DES: variants seen among roughly 807,000 people sequenced by gnomAD.
DES encodes the protein desmin, also known as cardiomyopathy, dilated 1F (autosomal dominant).
DES carries 34 observed loss-of-function variants against 55.1 expected under a neutral mutation model. The observed-to-expected ratio is 0.62, with a 90% CI of 0.47 to 0.82. DES has a LOEUF of 0.82. Among genes scored for constraint, DES ranks in the 40% least tolerant of loss-of-function variants. The probability of loss-of-function intolerance (pLI) is 0.00; values close to 1 mark genes in which losing one functional copy is unlikely to be tolerated. For synonymous variants in DES, 259 were observed against 270.8 expected (o/e 0.96, Z 0.43); for missense variants, 596 against 645.9 (o/e 0.92, Z 0.84).
rs1179760415 is a variant in DES at position 219,418,612 on chromosome 2, G to A, written c.150G>A (p.Thr50=). The A allele has an allele frequency of 6.2e-7, 1 of 1,603,232 alleles. No individual in the cohort carries two copies. Among genetic ancestry groups the A allele is most frequent in the East Asian group, 2.2e-5 (1 of 44,614 alleles). Residue 50 remains threonine, a synonymous_variant, in exon 1 of 9, where the codon ACG becomes ACA. Coordinates refer to ENST00000373960, the MANE Select transcript of DES (RefSeq NM_001927.4). ...FGSKGSSSSV[T]SRVYQVSRTS... is the part of the protein sequence containing the mutation. Reference sequence around the variant, plus strand: ...CTAAGGGCTCCTCCAGCTCGGTGACGTCCCGCGTGTACCAGGTGTCGCGCA... The same window carrying A: ...CTAAGGGCTCCTCCAGCTCGGTGACATCCCGCGTGTACCAGGTGTCGCGCA...
rs1474898050 is a variant in DES, at chr2:219,418,673, G to A, written c.211G>A (p.Ala71Thr). Residue 71 changes from alanine to threonine, a missense_variant, in exon 1 of 9, where the codon GCC becomes ACC. Coordinates refer to ENST00000373960, the MANE Select transcript of DES (RefSeq NM_001927.4). ...GGCCGGGGGCCTGGGGTCGCTGCGG[G>A]CCAGCCGGCTGGGGACCACCCGCAC... ...GGAGGLGSLR[A>T]SRLGTTRTPS... 1 of 1,580,308 alleles carries A rather than the reference G, an allele frequency of 6.3e-7. No individual in the cohort carries two copies.
chr2:219,421,008 C>A, intron 5 of DES, 55 bp downstream of exon 5: 4 of 1,593,498 alleles, frequency 2.5e-6, no homozygotes, highest in East Asian at 2.3e-5. Context: ...CAGTTCACAC[C>A]CTCACTTTGT....
chr2:219,423,163 C>A (rs1021609784), intron 6 of DES, among the ~76,000 whole-genome samples: 1 of 152,284 alleles, frequency 6.6e-6, no homozygotes, highest in African/African-American at 2.4e-5. Context: ...GCTACTAGTA[C>A]CAACTTCAGT....
chr2:219,425,918 A>G (rs891462208), intron 8 of DES, 31 bp from the exon 9 acceptor site: 15 of 1,613,700 alleles, frequency 9.3e-6, no homozygotes, highest in Non-Finnish European at 1.3e-5. Context: ...TGGCTAGCAC[A>G]TGGTTGGACT....
chr2:219,418,855 G>C lies in DES; in HGVS notation c.393G>C (p.Gln131His). 6.3e-7 allele frequency: 1 copy of C among 1,579,622 alleles called. No individual in the cohort carries two copies. The highest frequency in any genetic ancestry group is 2.3e-5 in the East Asian group (1 of 43,308). The change falls in exon 1 of 9, where the codon CAG becomes CAC. Residue 131 changes from glutamine to histidine, a missense_variant. By Grantham distance (24) the Gln-to-His change is conservative (BLOSUM62 0). Transcript: ENST00000373960. ...TCGAGAAGGTGCGCTTCCTGGAGCAGCAGAACGCGGCGCTCGCCGCCGAAG... is the reference window on the plus strand; with the variant it reads ...TCGAGAAGGTGCGCTTCCTGGAGCACCAGAACGCGGCGCTCGCCGCCGAAG... ...NYIEKVRFLEQQNAALAAEVN... is the reference protein window; with the variant it reads ...NYIEKVRFLEHQNAALAAEVN...
intron 7 of DES, among the ~76,000 whole-genome samples, chr2:219,424,026 T>C (rs1442057596): frequency 5.3e-5 from 8 of 152,234 alleles, no homozygotes; most frequent in Admixed American, 3.9e-4. Flanking sequence ...GAGAGCTTTT[T>C]ATGTGATTAT....
At chr2:219,425,295 A>G (rs2125171660) in intron 7 of DES, 1 of 279,952 alleles carries the variant, frequency 3.6e-6, no homozygotes. Flanking sequence ...GTCCCAGGAG[A>G]CAAATGTGTG....
rs755106109 is a variant in DES, at chr2:219,418,923, T to A, written c.461T>A (p.Leu154His). The A allele has an allele frequency of 1.6e-5, 25 of 1,561,684 alleles. No individual in the cohort carries two copies. The South Asian group carries it at 2.8e-4, about 18-fold the overall frequency. ...CGCGAGCCGACGCGAGTGGCCGAGC[T>A]CTACGAGGAGGAGCTGCGGGAGCTG... ...KGREPTRVAELYEEELRELRR... is the reference protein window; with the variant it reads ...KGREPTRVAEHYEEELRELRR... Residue 154 changes from leucine (L) to histidine (H), a missense_variant, in exon 1 of 9, where the codon CTC (leucine) becomes CAC (histidine). Physicochemically the swap from Leu to His is moderately conservative, Grantham distance 99. Coordinates refer to ENST00000373960, the MANE Select transcript of DES (RefSeq NM_001927.4).
Position 219,425,956 on chromosome 2 carries a change from G to A in DES, c.1379G>A (p.Ser460Asn). 1.9e-6 allele frequency: 3 copies of A among 1,614,034 alleles called. No individual in the cohort carries two copies. Among genetic ancestry groups the A allele is most frequent in the African/African-American group, 1.3e-5 (1 of 75,004 alleles). ...TIETRDGEVV[S>N]EATQQQHEVL is the part of the protein sequence containing the mutation. The stretch of plus-strand genomic sequence containing the variant: ...GCTTCTCTTCCTCCCCAGGTCGTCA[G>A]TGAGGCCACACAGCAGCAGCATGAA... Residue 460 changes from serine to asparagine, a missense_variant, in exon 9 of 9, where the codon AGT becomes AAT. Ser to Asn is a conservative substitution (Grantham distance 46, BLOSUM62 1). Coordinates refer to ENST00000373960, the MANE Select transcript of DES (RefSeq NM_001927.4).
chr2:219,421,422 G>T lies in DES; in HGVS notation c.1106G>T (p.Arg369Leu), dbSNP rs1168604493. The T allele has an allele frequency of 4.3e-6, 7 of 1,614,076 alleles. No individual in the cohort carries two copies. The highest frequency in any genetic ancestry group is 1.6e-4 in the Middle Eastern group (1 of 6,062). Residue 369 changes from arginine (R) to leucine (L), a missense_variant, in exon 6 of 9, where the codon CGC becomes CTC. Coordinates refer to ENST00000373960, the MANE Select transcript of DES (RefSeq NM_001927.4). ...AGTGGCTACCAGGACAACATTGCGC[G>T]CCTGGAGGAGGAAATCCGGCACCTC... ...EASGYQDNIA[R>L]LEEEIRHLKD... is the part of the protein sequence containing the mutation.
In DES at chr2:219,425,574, G is replaced by A. The variant is rs965876617; in HGVS notation, c.1289-89G>A. On this transcript the variant is annotated intron_variant, in intron 7 of 8. Transcript: ENST00000373960. ...GGGGGTTGGGGTCTGCTAGGGCTCT[G>A]CCCAATGTGGCCCCAGATGGACTCC... 4 of 1,173,352 alleles carry A rather than the reference G, an allele frequency of 3.4e-6. No homozygotes were observed. In the Admixed American group the frequency reaches 5.9e-5, roughly 17 times the overall value. The allele number at this position is 1,173,352 out of a possible 1,614,324, so 72.7% of individuals were successfully genotyped here.
intron 8 of DES, 40 bp from the exon 9 acceptor site, chr2:219,425,908 TG>T (rs767300396): frequency 1.9e-6 from 3 of 1,613,732 alleles, no homozygotes; most frequent in African/African-American, 2.7e-5. Flanking sequence ...CTCCATTCTC[TG>T]GCTAGCACAT....
chr2:219,420,311 G>A lies in DES; in HGVS notation c.700G>A (p.Glu234Lys), dbSNP rs774739275. ...GGAGCGCAGAATTGAATCTCTCAACGAGGAGATCGCGTTCCTTAAGAAAGT... is the reference window on the plus strand; with the variant it reads ...GGAGCGCAGAATTGAATCTCTCAACAAGGAGATCGCGTTCCTTAAGAAAGT... ...DLERRIESLN[E>K]EIAFLKKVHE... Residue 234 changes from glutamate (E) to lysine (K), a missense_variant, in exon 3 of 9, where the codon GAG becomes AAG. Transcript: ENST00000373960. This position sits in a 1 kb window ranked among gnomAD's most constrained non-coding sequence, Gnocchi z 6.0. 4.3e-6 allele frequency: 7 copies of A among 1,614,164 alleles called. No individual in the cohort carries two copies. Among genetic ancestry groups the A allele is most frequent in the Non-Finnish European group, 5.1e-6 (6 of 1,180,036 alleles).
Position 219,425,752 on chromosome 2 carries a change from GGTCT to G in DES, c.1371+13_1371+16del. The G allele has an allele frequency of 1.2e-6, 2 of 1,605,570 alleles. No homozygotes were observed. The highest frequency in any genetic ancestry group is 2.7e-5 in the African/African-American group (2 of 74,766). On this transcript the variant is annotated splice_region_variant and intron_variant, in intron 8 of 8. Transcript: ENST00000373960. ...CGAGACACGGGATGGGGAGGTAAGT[GGTCT>G]GTCTGGGCTCCTTACCCTTGGTGGG... is the stretch of plus-strand genomic sequence containing the variant.
rs150974575 is a variant in DES at position 219,423,817 on chromosome 2, C to T, written c.1285C>T (p.Arg429Ter). The stretch of plus-strand genomic sequence containing the variant: ...CCAGACCTACTCTGCCCTCAACTTC[C>T]GAGGTGAGTGTCTGCTGGCAGGCGG... ...PIQTYSALNF[R>*]ETSPEQRGSE... The change falls in exon 7 of 9, where the codon CGA (arginine) becomes TGA (stop). Residue 429 changes from arginine to a stop codon, truncating the protein, a stop_gained. Coordinates refer to ENST00000373960, the MANE Select transcript of DES (RefSeq NM_001927.4). LOFTEE classifies it high-confidence loss of function. 5.6e-6 allele frequency: 9 copies of T among 1,613,872 alleles called. No homozygotes were observed. Among genetic ancestry groups the T allele is most frequent in the Non-Finnish European group, 6.8e-6 (8 of 1,179,836 alleles).
intron 5 of DES, 134 bp from the exon 6 acceptor site, chr2:219,421,206 A>G: frequency 9.6e-7 from 1 of 1,036,892 alleles, no homozygotes; most frequent in Non-Finnish European, 1.5e-6. Flanking sequence ...GTGTTCACAT[A>G]TAGACTTAAT....
intron 6 of DES, among the ~76,000 whole-genome samples, chr2:219,421,869 G>C (rs76875075): frequency 3.3e-5 from 5 of 151,996 alleles, no homozygotes; most frequent in Admixed American, 3.3e-4. Context: ...GTTTCACTAT[G>C]TTGGGCAGCT....
Position 219,420,672 on chromosome 2 carries a change from C to T in DES, c.897+16C>T, listed in dbSNP as rs370385097. On this transcript the variant is annotated intron_variant, in intron 4 of 8. Coordinates refer to ENST00000373960, the MANE Select transcript of DES (RefSeq NM_001927.4). This position sits in a 1 kb window ranked among gnomAD's most constrained non-coding sequence, Gnocchi z 6.0. ...CAAGTCGAAGGTGGGTGGCCTCGCC[C>T]GGGGACTGGCATCTCCGTCCCCCTG... 272 of 1,613,824 alleles carry T rather than the reference C, an allele frequency of 1.7e-4. No homozygotes were observed. The highest frequency in any genetic ancestry group is 2.2e-4 in the Non-Finnish European group (255 of 1,180,004).
At chr2:219,425,580 T>C (rs1017093362) in intron 7 of DES, 83 bp from the exon 8 acceptor site, 13 of 1,234,078 alleles carry the variant, frequency 1.1e-5, no homozygotes, top group Middle Eastern at 1.8e-4. Context: ...CTCTGCCCAA[T>C]GTGGCCCCAG....
Sources: allele counts gnomAD v4.1 joint callset (sites outside exome capture counted in the v4.1 genomes callset), GRCh38; gene constraint gnomAD v4.1.1; non-coding constraint Gnocchi (gnomAD v3.1); transcripts MANE v1.5; gene names NCBI Gene and HGNC (gene_info 2026-07-23, HGNC 2026-07-21).